The following GTF3C1 variants were observed in gnomAD, a reference collection of about 807,000 sequenced individuals.
GTF3C1 encodes general transcription factor 3C polypeptide 1.
GTF3C1 carries 57 observed loss-of-function variants against 226.7 expected under a neutral mutation model. The ratio of observed to expected loss-of-function variants is 0.25; its 90% CI spans 0.20 to 0.31. The LOEUF (loss-of-function observed/expected upper bound fraction) is 0.31. Ranked by LOEUF, GTF3C1 falls within the 10% of genes least tolerant of loss-of-function variation. The pLI, the probability that GTF3C1 is intolerant of heterozygous loss-of-function variation, is 1.00. For missense variants in GTF3C1, 2,217 were observed against 2,776.1 expected, an observed-to-expected ratio of 0.80 and a Z score of 4.53; for synonymous variants, 1,090 against 1,084.8, an observed-to-expected ratio of 1.00 and a Z score of -0.09.
intron 10 of GTF3C1, 147 bp from the exon 11 acceptor site, chr16:27,503,142 C>T: frequency 1.6e-6 from 1 of 616,654 alleles, no homozygotes; most frequent in South Asian, 2.0e-5. Context: ...TTCTCCTACA[C>T]AGAATCCCAC....
At chr16:27,503,858 T>C (rs909486600) in intron 10 of GTF3C1, among the ~76,000 whole-genome samples, 5 of 152,238 alleles carry the variant, frequency 3.3e-5, no homozygotes, top group Admixed American at 2.6e-4. Flanking sequence ...GGAGTAGCAC[T>C]TTCAGGAAAT....
chr16:27,464,266 G>T, intron 34 of GTF3C1, 54 bp downstream of exon 34: 10 of 1,220,614 alleles, frequency 8.2e-6, no homozygotes, highest in Non-Finnish European at 1.1e-5. Context: ...CAGGGCGGAG[G>T]GGAGGGAAAG....
At chr16:27,529,828 A>C (rs189443916) in intron 5 of GTF3C1, among the ~76,000 whole-genome samples, 106 of 152,334 alleles carry the variant, frequency 7.0e-4, no homozygotes, top group African/African-American at 2.4e-3. Context: ...TGCGCTCCCC[A>C]ATCAGACCCT....
intron 4 of GTF3C1, among the ~76,000 whole-genome samples, chr16:27,536,529 G>A (rs1450793298): frequency 2.0e-5 from 3 of 152,174 alleles, no homozygotes; most frequent in African/African-American, 2.4e-5. Flanking sequence ...TCTGGGAGGC[G>A]GACATTTGAC....
Position 27,463,265 on chromosome 16 carries a change from C to T in GTF3C1, c.5924+276G>A, listed in dbSNP as rs1596609692. 1 of 486,508 alleles carries T rather than the reference C, an allele frequency of 2.1e-6. No homozygotes were observed. Among genetic ancestry groups the T allele is most frequent in the Admixed American group, 3.9e-5 (1 of 25,494 alleles). 30.1% of individuals were successfully genotyped at this position (486,508 alleles called of 1,614,324 possible). A position where few individuals can be genotyped will look rare whatever the true frequency, so the allele number is the denominator to read the frequency against. Reference sequence around the variant, plus strand: ...TGGGCCATGAGGAGCCAGTGAAGCACAGCTGACAGCACCAGGCATGGTTCT... The same window carrying T: ...TGGGCCATGAGGAGCCAGTGAAGCATAGCTGACAGCACCAGGCATGGTTCT... On this transcript the variant is annotated intron_variant, in intron 35 of 36. Transcript: ENST00000356183. This position sits in a 1 kb window ranked among gnomAD's most constrained non-coding sequence, Gnocchi z 4.9.
chr16:27,489,731 C>T lies in GTF3C1; in HGVS notation c.3164G>A (p.Cys1055Tyr), dbSNP rs986279547. 3 of 1,611,246 alleles carry T rather than the reference C, an allele frequency of 1.9e-6. No homozygotes were observed. Among genetic ancestry groups the T allele is most frequent in the Non-Finnish European group, 8.5e-7 (1 of 1,179,688 alleles). Residue 1055 changes from cysteine (C) to tyrosine (Y), a missense_variant, in exon 20 of 37, where the codon TGC (cysteine) becomes TAC (tyrosine). Physicochemically the swap from Cys to Tyr is radical, Grantham distance 194. Coordinates refer to ENST00000356183, the MANE Select transcript of GTF3C1 (RefSeq NM_001520.4). ...GCTGCTGTTCTTCCTGACGCGCGGG[C>T]AGCGCACCACGCCTGGAAAACCAAA... is the stretch of plus-strand genomic sequence containing the variant. ...CLNTPLGVVR[C>Y]PRVRKNSSTD...
chr16:27,527,834 G>A (rs775737317), intron 6 of GTF3C1, among the ~76,000 whole-genome samples: 3 of 151,802 alleles, frequency 2.0e-5, no homozygotes, highest in African/African-American at 2.4e-5. Flanking sequence ...AGACTTTCTC[G>A]CTACAAAAAA....
In GTF3C1 at chr16:27,507,480, A is replaced by G. The variant is rs1371450143; in HGVS notation, c.1243-324T>C. On this transcript the variant is annotated intron_variant, in intron 8 of 36. Coordinates refer to ENST00000356183, the MANE Select transcript of GTF3C1 (RefSeq NM_001520.4). This position sits in a 1 kb window ranked among gnomAD's most constrained non-coding sequence, Gnocchi z 4.9. ...GGCTGGGACAGGACGTGGCCCACAC[A>G]AAATGGACAGTACGCAGCAAGCATT... Among the ~76,000 whole-genome samples, 4 of 152,238 alleles carry G rather than the reference A, an allele frequency of 2.6e-5. No homozygotes were observed. Among genetic ancestry groups the G allele is most frequent in the Non-Finnish European group, 5.9e-5 (4 of 68,042 alleles).
chr16:27,463,711 T>C lies in GTF3C1; in HGVS notation c.5873-119A>G. Reference sequence around the variant, plus strand: ...GCACCTCGAGGCTCAGGGGATGAAGTGTCAAAAAAAAAGGACAATGAGCAT... The same window carrying C: ...GCACCTCGAGGCTCAGGGGATGAAGCGTCAAAAAAAAAGGACAATGAGCAT... On this transcript the variant is annotated intron_variant, in intron 34 of 36. Coordinates refer to ENST00000356183, the MANE Select transcript of GTF3C1 (RefSeq NM_001520.4). The surrounding 1 kb of genome is among the most constrained non-coding windows in gnomAD (Gnocchi z 4.9). The C allele has an allele frequency of 1.4e-6, 1 of 735,234 alleles. No individual in the cohort carries two copies. Among genetic ancestry groups the C allele is most frequent in the Non-Finnish European group, 2.5e-6 (1 of 407,314 alleles). The allele number at this position is 735,234 out of a possible 1,614,324, so 45.5% of individuals were successfully genotyped here.
intron 2 of GTF3C1, 32 bp downstream of exon 2, chr16:27,545,282 C>A (rs2089146561): frequency 6.6e-7 from 1 of 1,513,436 alleles, no homozygotes; most frequent in East Asian, 2.3e-5. Context: ...CGGCCAGATT[C>A]CCAGGAATTT....
Position 27,533,382 on chromosome 16 carries a change from C to T in GTF3C1, c.758G>A (p.Ser253Asn). 1.3e-6 allele frequency: 2 copies of T among 1,583,866 alleles called. No individual in the cohort carries two copies. Among genetic ancestry groups the T allele is most frequent in the Non-Finnish European group, 1.7e-6 (2 of 1,152,398 alleles). The change falls in exon 5 of 37, where the codon AGC (serine) becomes AAC (asparagine). Residue 253 changes from serine (S) to asparagine (N), a missense_variant. Physicochemically the swap from Ser to Asn is conservative, Grantham distance 46 (BLOSUM62 1). This residue lies in a region of GTF3C1 where 163 missense variants were observed against 234.3 expected (regional missense o/e 0.70). Transcript: ENST00000356183. ...CTTCTCCATGAGGATGTCGTATTTG[C>T]TCCTCCTGCAAGAAACACCGAGCAA... The part of the protein sequence containing the change: ...LLNRFHVDRR[S>N]KYDILMEKLS...
chr16:27,502,182 C>G (rs1045103172), intron 11 of GTF3C1, among the ~76,000 whole-genome samples: 2 of 152,046 alleles, frequency 1.3e-5, no homozygotes, highest in African/African-American at 4.8e-5. Context: ...CAGAGGCGAA[C>G]AAGGTGACAG....
At chr16:27,536,416 A>C (rs1462399139) in intron 4 of GTF3C1, among the ~76,000 whole-genome samples, 1 of 152,162 alleles carries the variant, frequency 6.6e-6, no homozygotes, top group Admixed American at 6.5e-5. Context: ...AACATGGCAA[A>C]ACCCTACTAA....
intron 19 of GTF3C1, among the ~76,000 whole-genome samples, chr16:27,490,344 A>G (rs2088214244): frequency 6.6e-6 from 1 of 152,242 alleles, no homozygotes; most frequent in Admixed American, 6.5e-5. Flanking sequence ...AATACCACTA[A>G]AAGCACTGCT....
intron 4 of GTF3C1, 23 bp from the exon 5 acceptor site, chr16:27,533,410 C>T (rs377054178): frequency 9.5e-6 from 13 of 1,364,834 alleles, no homozygotes; most frequent in East Asian, 2.3e-5. Flanking sequence ...CCGAGCAATT[C>T]GTTTTTTCAA....
rs777717412 is a variant in GTF3C1 at position 27,497,599 on chromosome 16, C to T, written c.2350+38G>A. On this transcript the variant is annotated intron_variant, in intron 14 of 36. Coordinates refer to ENST00000356183, the MANE Select transcript of GTF3C1 (RefSeq NM_001520.4). The stretch of plus-strand genomic sequence containing the variant: ...AAACATTGTCATACAAACAACAAAT[C>T]AAATGTAACTAAACACAGACAAGAA... 4 of 1,537,792 alleles carry T rather than the reference C, an allele frequency of 2.6e-6. No homozygotes were observed. In the African/African-American group the frequency reaches 5.5e-5, roughly 21 times the overall value.
Position 27,463,364 on chromosome 16 carries a change from C to T in GTF3C1, c.5924+177G>A, listed in dbSNP as rs1270515510. Reference sequence around the variant, plus strand: ...ACCTGGGCACTGCCAGTGCTCAGCACGCCTGCTGCTCGCCCACTGCGCCCC... The same window carrying T: ...ACCTGGGCACTGCCAGTGCTCAGCATGCCTGCTGCTCGCCCACTGCGCCCC... On this transcript the variant is annotated intron_variant, in intron 35 of 36. Transcript: ENST00000356183. The surrounding 1 kb of genome is among the most constrained non-coding windows in gnomAD (Gnocchi z 4.9). The T allele has an allele frequency of 1.4e-5, 9 of 651,676 alleles. No homozygotes were observed. Among genetic ancestry groups the T allele is most frequent in the South Asian group, 5.5e-5 (3 of 54,812 alleles). The allele number at this position is 651,676 out of a possible 1,614,324, so 40.4% of individuals were successfully genotyped here. A position where few individuals can be genotyped will look rare whatever the true frequency, so the allele number is the denominator to read the frequency against.
rs2087724761 is a variant in GTF3C1 at position 27,462,736 on chromosome 16, G to T, written c.5925-250C>A. The T allele has an allele frequency of 2.1e-6, 1 of 479,668 alleles. No homozygotes were observed. The allele number at this position is 479,668 out of a possible 1,614,324, so 29.7% of individuals were successfully genotyped here. A position where few individuals can be genotyped will look rare whatever the true frequency, so the allele number is the denominator to read the frequency against. ...GTAGCTGTAACTGAGGCCTCAGTGGGCCCACCCACATTGGCAGGAGAGGGA... is the reference window on the plus strand; with the variant it reads ...GTAGCTGTAACTGAGGCCTCAGTGGTCCCACCCACATTGGCAGGAGAGGGA... On this transcript the variant is annotated intron_variant, in intron 35 of 36. Transcript: ENST00000356183. The surrounding 1 kb of genome is among the most constrained non-coding windows in gnomAD (Gnocchi z 4.5).
At chr16:27,484,048 C>T (rs1244296772) in intron 25 of GTF3C1, among the ~76,000 whole-genome samples, 163 bp downstream of exon 25, 3 of 152,156 alleles carry the variant, frequency 2.0e-5, no homozygotes, top group Non-Finnish European at 4.4e-5. Flanking sequence ...TCATGCTTGG[C>T]CCTCACCCTC....
Sources: allele counts gnomAD v4.1 joint callset (sites outside exome capture counted in the v4.1 genomes callset), GRCh38; gene constraint gnomAD v4.1.1; regional missense constraint gnomAD v4.1.1; non-coding constraint Gnocchi (gnomAD v3.1); transcripts MANE v1.5; gene names NCBI Gene and HGNC (gene_info 2026-07-23, HGNC 2026-07-21).